Variants in RPS6KA3 observed in about 807,000 individuals in gnomAD.
RPS6KA3 encodes the protein ribosomal protein S6 kinase alpha-3.
In RPS6KA3, 4 loss-of-function variants were observed where a neutral mutation model predicts 67.2. The observed-to-expected ratio is 0.06, with a 90% CI of 0.03 to 0.14. The LOEUF (loss-of-function observed/expected upper bound fraction) is 0.14. RPS6KA3 is among the 10% of genes least tolerant of loss of function. The pLI is 1.00. For missense variants in RPS6KA3, 204 were observed against 559.0 expected (o/e 0.36, Z 6.40); for synonymous variants, 182 against 183.7 (o/e 0.99, Z 0.07).
In RPS6KA3 at chrX:20,173,006, T is replaced by G. The variant is rs2067609943; in HGVS notation, c.1228-135A>C. The stretch of plus-strand genomic sequence containing the variant: ...TAAGAATAAAAATACATCTTTATAG[T>G]ACTTATTATTCTACAAACAAGTGAT... On this transcript the variant is annotated intron_variant, in intron 14 of 21. Coordinates refer to ENST00000379565, the MANE Select transcript of RPS6KA3 (RefSeq NM_004586.3). 2 of 506,966 alleles carry G rather than the reference T, an allele frequency of 3.9e-6. 1 individual carries two copies. Among genetic ancestry groups the G allele is most frequent in the Admixed American group, 7.2e-5 (2 of 27,833 alleles). 41.8% of individuals were successfully genotyped at this position (506,966 alleles called of 1,213,427 possible). A position where few individuals can be genotyped will look rare whatever the true frequency, so the allele number is the denominator to read the frequency against.
At chrX:20,236,551 C>T in intron 1 of RPS6KA3, among the ~76,000 whole-genome samples, 1 of 111,207 alleles carries the variant, frequency 9.0e-6, no homozygotes. Context: ...AAGCTATGTT[C>T]TAGGCACTGA....
chrX:20,233,609 G>C (rs1318597767), intron 2 of RPS6KA3, among the ~76,000 whole-genome samples: 1 of 109,678 alleles, frequency 9.1e-6, no homozygotes, highest in African/African-American at 3.3e-5. Context: ...AAATTAGCTG[G>C]GTGTCGTGGC....
At chrX:20,217,577 A>T in intron 2 of RPS6KA3, among the ~76,000 whole-genome samples, 1 of 112,500 alleles carries the variant, frequency 8.9e-6, no homozygotes, top group East Asian at 2.8e-4. Context: ...TGAAGCTTGA[A>T]GTAAAATATT....
chrX:20,174,223 C>T (rs1020887739), intron 14 of RPS6KA3, among the ~76,000 whole-genome samples: 1 of 111,636 alleles, frequency 9.0e-6, no homozygotes, highest in Non-Finnish European at 1.9e-5. Flanking sequence ...GACCTCAATT[C>T]ATCATAGCTG....
intron 1 of RPS6KA3, among the ~76,000 whole-genome samples, chrX:20,244,882 T>C (rs1248372302): frequency 8.9e-6 from 1 of 112,417 alleles, no homozygotes; most frequent in Non-Finnish European, 1.9e-5. Flanking sequence ...GATAAAATAC[T>C]TCAAATTACA....
At chrX:20,182,561 G>A (rs1480377226) in intron 10 of RPS6KA3, among the ~76,000 whole-genome samples, 1 of 112,141 alleles carries the variant, frequency 8.9e-6, no homozygotes, top group Non-Finnish European at 1.9e-5. Flanking sequence ...TATTGTATTC[G>A]ACTGTACGAA....
intron 20 of RPS6KA3, among the ~76,000 whole-genome samples, chrX:20,158,649 G>A (rs1302670451): frequency 1.8e-5 from 2 of 111,705 alleles, no homozygotes; most frequent in Non-Finnish European, 3.8e-5. Flanking sequence ...TTGCATAAAA[G>A]GTTGCAAAAC....
At chrX:20,171,313 A>G (rs1005323429) in intron 15 of RPS6KA3, among the ~76,000 whole-genome samples, 10 of 111,639 alleles carry the variant, frequency 9.0e-5, no homozygotes, top group Non-Finnish European at 1.3e-4. Flanking sequence ...TACTTGTATA[A>G]CAGTTCTGTA....
intron 10 of RPS6KA3, among the ~76,000 whole-genome samples, chrX:20,186,032 C>T (rs777179514): frequency 3.6e-5 from 4 of 111,425 alleles, no homozygotes; most frequent in African/African-American, 9.8e-5. Context: ...CTCCACCTCC[C>T]GGGTTCAAGG....
chrX:20,233,274 A>T (rs2069321185), intron 2 of RPS6KA3, among the ~76,000 whole-genome samples: 1 of 112,233 alleles, frequency 8.9e-6, no homozygotes, highest in Admixed American at 9.4e-5. Context: ...AAATTTTGAC[A>T]GGAAATTTGA....
chrX:20,252,535 T>C (rs1391205540), intron 1 of RPS6KA3, among the ~76,000 whole-genome samples: 1 of 110,665 alleles, frequency 9.0e-6, no homozygotes, highest in Non-Finnish European at 1.9e-5. Context: ...CACTGTTTTG[T>C]TGCAGATGGG....
intron 2 of RPS6KA3, among the ~76,000 whole-genome samples, chrX:20,217,353 G>T (rs776742642): frequency 8.9e-6 from 1 of 112,667 alleles, no homozygotes; most frequent in African/African-American, 3.2e-5. Flanking sequence ...AATTAATATT[G>T]TCTATTTGAA....
intron 1 of RPS6KA3, among the ~76,000 whole-genome samples, chrX:20,262,219 G>C (rs2070251996): frequency 9.0e-6 from 1 of 111,691 alleles, no homozygotes; most frequent in Non-Finnish European, 1.9e-5. Flanking sequence ...GAACTGTAGA[G>C]CAAATCTTGT....
chrX:20,165,430 T>C (rs1228965394), intron 17 of RPS6KA3, among the ~76,000 whole-genome samples: 1 of 111,651 alleles, frequency 9.0e-6, no homozygotes, highest in Non-Finnish European at 1.9e-5. Context: ...ACAAGACCCA[T>C]GAGATCCTGG....
At position 20,266,744 on chromosome X, in the gene RPS6KA3, GGCGGCAGCGGCAGCGGCA is replaced by G. The variant is rs781064398; in HGVS notation, c.-130_-113del. The stretch of plus-strand genomic sequence containing the variant: ...CGGCAGCGGCGGCGGCGGCGGCGGC[GGCGGCAGCGGCAGCGGCA>G]GCGGCAGCAGCAGCAGCAGCGGCGG... On this transcript the variant is annotated 5_prime_UTR_variant, in exon 1 of 22. Coordinates refer to ENST00000379565, the MANE Select transcript of RPS6KA3 (RefSeq NM_004586.3). 8 of 282,104 alleles carry G rather than the reference GGCGGCAGCGGCAGCGGCA, an allele frequency of 2.8e-5. No individual in the cohort carries two copies. The highest frequency in any genetic ancestry group is 1.7e-4 in the South Asian group (1 of 5,845). The allele number at this position is 282,104 out of a possible 1,213,427, so 23.2% of individuals were successfully genotyped here. A position where few individuals can be genotyped will look rare whatever the true frequency, so the allele number is the denominator to read the frequency against.
At chrX:20,243,617 C>T (rs1369157419) in intron 1 of RPS6KA3, among the ~76,000 whole-genome samples, 3 of 110,613 alleles carry the variant, frequency 2.7e-5, no homozygotes, top group Non-Finnish European at 5.7e-5. Flanking sequence ...TCCTGAGTAA[C>T]TGGGACTACT....
At chrX:20,210,184 T>C (rs968787454) in intron 2 of RPS6KA3, among the ~76,000 whole-genome samples, 3 of 112,193 alleles carry the variant, frequency 2.7e-5, no homozygotes, top group Non-Finnish European at 3.8e-5. Context: ...AGAAAATGTA[T>C]GAAATACACA....
intron 2 of RPS6KA3, among the ~76,000 whole-genome samples, chrX:20,225,536 G>A (rs1232111025): frequency 9.0e-6 from 1 of 111,011 alleles, no homozygotes; most frequent in Non-Finnish European, 1.9e-5. Context: ...GAGTTAGAAC[G>A]GCAGACAATA....
intron 19 of RPS6KA3, among the ~76,000 whole-genome samples, chrX:20,162,654 G>A (rs1051024829): frequency 2.7e-5 from 3 of 110,449 alleles, no homozygotes; most frequent in African/African-American, 9.9e-5. Flanking sequence ...AACCAGCCTG[G>A]GCAGCACAGC....
Sources: allele counts gnomAD v4.1 joint callset (sites outside exome capture counted in the v4.1 genomes callset), GRCh38; gene constraint gnomAD v4.1.1; transcripts MANE v1.5; gene names NCBI Gene and HGNC (gene_info 2026-07-23, HGNC 2026-07-21).